CSMD3: variants seen among roughly 807,000 people sequenced by gnomAD.
CSMD3 encodes CUB and Sushi multiple domains 3.
Under a neutral mutation model 435.2 loss-of-function variants are expected in CSMD3, and 177 were observed. The ratio of observed to expected loss-of-function variants is 0.41; its 90% CI spans 0.36 to 0.46. The LOEUF is 0.46. CSMD3 is among the 20% of genes least tolerant of loss of function. The probability of loss-of-function intolerance (pLI) is 0.34; values close to 1 mark genes in which losing one functional copy is unlikely to be tolerated. For synonymous variants in CSMD3, 1,656 were observed against 1,520.5 expected (o/e 1.09, Z -2.07); for missense variants, 4,265 against 4,504.6 (o/e 0.95, Z 1.52).
intron 4 of CSMD3, among the ~76,000 whole-genome samples, chr8:113,164,925 C>T (rs2092121150): frequency 1.3e-5 from 2 of 152,118 alleles, no homozygotes; most frequent in South Asian, 4.1e-4. Flanking sequence ...CATTAAATGT[C>T]TTTGGTGGCT....
At chr8:113,336,318 G>C (rs538665655) in intron 1 of CSMD3, among the ~76,000 whole-genome samples, 14 of 149,306 alleles carry the variant, frequency 9.4e-5, no homozygotes, top group Non-Finnish European at 1.5e-4. Context: ...TGACACTTTC[G>C]CTTGAAAAAA....
chr8:112,458,210 C>T (rs1476369465), intron 32 of CSMD3, among the ~76,000 whole-genome samples: 2 of 101,170 alleles, frequency 2.0e-5, no homozygotes, highest in African/African-American at 5.6e-5. Flanking sequence ...CACACACACT[C>T]ACACCCACAC....
intron 13 of CSMD3, among the ~76,000 whole-genome samples, chr8:112,763,663 C>T (rs191768280): frequency 1.0e-3 from 150 of 148,446 alleles, no homozygotes; most frequent in African/African-American, 3.5e-3. Context: ...TTAGTTACTT[C>T]GTGTTAAAAG....
At chr8:112,946,824 A>G (rs2083625594) in intron 9 of CSMD3, among the ~76,000 whole-genome samples, 1 of 151,652 alleles carries the variant, frequency 6.6e-6, no homozygotes, top group Non-Finnish European at 1.5e-5. Flanking sequence ...GTTTGTGTGG[A>G]AATTGTATTA....
chr8:112,488,321 C>A (rs557802777), intron 31 of CSMD3, among the ~76,000 whole-genome samples: 2 of 152,088 alleles, frequency 1.3e-5, no homozygotes, highest in Non-Finnish European at 2.9e-5. Context: ...AGGTGTTACA[C>A]GCTAAACACG....
intron 27 of CSMD3, among the ~76,000 whole-genome samples, chr8:112,528,556 G>T (rs1023730731): frequency 3.9e-5 from 6 of 151,964 alleles, no homozygotes; most frequent in Non-Finnish European, 7.4e-5. Context: ...CCAATAAAAA[G>T]AACATGACAA....
intron 22 of CSMD3, among the ~76,000 whole-genome samples, chr8:112,597,364 G>A (rs1420208030): frequency 6.6e-6 from 1 of 150,542 alleles, no homozygotes; most frequent in Non-Finnish European, 1.5e-5. Context: ...CTGAAATTGT[G>A]GCAATAATCA....
In CSMD3 at chr8:112,325,943, C is replaced by G. The variant is rs150999266; in HGVS notation, c.7166-5962G>C. 3.3e-3 allele frequency among the ~76,000 whole-genome samples: 495 copies of G among 152,182 alleles called. 4 individuals carry two copies. The highest frequency in any genetic ancestry group is 0.012 in the African/African-American group (482 of 41,530). ...ACATGCAAAGCATTTGGAATACTGT[C>G]TGGCACATTTTAAGCTTATCTTTCA... is the stretch of plus-strand genomic sequence containing the variant. On this transcript the variant is annotated intron_variant, in intron 45 of 70. Coordinates refer to ENST00000297405, the MANE Select transcript of CSMD3 (RefSeq NM_198123.2).
intron 11 of CSMD3, among the ~76,000 whole-genome samples, chr8:112,840,944 TCCTTCA>T: frequency 6.6e-6 from 1 of 151,650 alleles, no homozygotes; most frequent in Non-Finnish European, 1.5e-5. Flanking sequence ...TAACTTTTCT[TCCTTCA>T]CTGGGGGAAG....
intron 5 of CSMD3, among the ~76,000 whole-genome samples, chr8:113,058,459 C>T (rs1228928968): frequency 6.6e-6 from 1 of 151,582 alleles, no homozygotes; most frequent in Non-Finnish European, 1.5e-5. Context: ...GGGAAAATAT[C>T]CTATGATGTA....
chr8:112,277,772 A>G (rs1256704463), intron 59 of CSMD3, among the ~76,000 whole-genome samples: 2 of 152,202 alleles, frequency 1.3e-5, no homozygotes, highest in Admixed American at 6.5e-5. Context: ...CACATCTTAC[A>G]TGGTGACAGT....
At position 112,314,506 on chromosome 8, in the gene CSMD3, T is replaced by G; in HGVS notation, c.7472A>C (p.Glu2491Ala). ...AAACATGGTGATATTATAACCCTTT[T>G]CCACTGAAATGCTCCATGCACACAT... ...LQMCAWSISV[E>A]KGYNITMFVE... The change falls in exon 48 of 71, where the codon GAA (glutamate) becomes GCA (alanine). Residue 2491 changes from glutamate (E) to alanine (A), a missense_variant. Transcript: ENST00000297405. 1.2e-6 allele frequency: 2 copies of G among 1,612,290 alleles called. No individual in the cohort carries two copies. Among genetic ancestry groups the G allele is most frequent in the Non-Finnish European group, 1.7e-6 (2 of 1,178,464 alleles).
At chr8:113,331,843 A>G (rs2094029957) in intron 1 of CSMD3, among the ~76,000 whole-genome samples, 1 of 151,776 alleles carries the variant, frequency 6.6e-6, no homozygotes, top group South Asian at 2.1e-4. Context: ...GGTGAAAGAT[A>G]GGGCTTTTCC....
chr8:112,920,527 G>T (rs1263531099), intron 10 of CSMD3, among the ~76,000 whole-genome samples: 1 of 151,466 alleles, frequency 6.6e-6, no homozygotes, highest in Non-Finnish European at 1.5e-5. Context: ...TAATTCTACT[G>T]GGAGGAATTA....
intron 12 of CSMD3, among the ~76,000 whole-genome samples, chr8:112,815,712 A>T (rs1263080158): frequency 6.6e-6 from 1 of 152,208 alleles, no homozygotes; most frequent in Non-Finnish European, 1.5e-5. Flanking sequence ...CATATATAAA[A>T]CAAATGCAAG....
intron 4 of CSMD3, among the ~76,000 whole-genome samples, chr8:113,170,411 T>C (rs561733523): frequency 6.6e-6 from 1 of 152,318 alleles, no homozygotes; most frequent in South Asian, 2.1e-4. Context: ...TGAGAACTAA[T>C]TTTGAGGCTG....
At chr8:112,976,189 T>G (rs1344561962) in intron 6 of CSMD3, 41 bp from the exon 7 acceptor site, 1 of 1,602,338 alleles carries the variant, frequency 6.2e-7, no homozygotes, top group Non-Finnish European at 8.5e-7. Context: ...TTTTTCTTTT[T>G]AAATTTTGTT....
At chr8:112,731,985 A>G (rs1282926269) in intron 13 of CSMD3, among the ~76,000 whole-genome samples, 2 of 152,124 alleles carry the variant, frequency 1.3e-5, no homozygotes, top group African/African-American at 4.8e-5. Flanking sequence ...CAGCAACATC[A>G]TAATTCTGAT....
chr8:113,052,099 T>A (rs1280698823), intron 5 of CSMD3, among the ~76,000 whole-genome samples: 1 of 152,218 alleles, frequency 6.6e-6, no homozygotes, highest in Non-Finnish European at 1.5e-5. Flanking sequence ...ACAATACATG[T>A]AGTTACATAT....
Sources: gnomAD v4.1 joint callset for allele counts (sites outside exome capture counted in the v4.1 genomes callset) on GRCh38, gnomAD v4.1.1 for gene constraint, MANE v1.5 for transcripts, NCBI Gene and HGNC (gene_info 2026-07-23, HGNC 2026-07-21) for gene names.